The following CACNA1E variants were observed in gnomAD, a reference collection of about 807,000 sequenced individuals.
CACNA1E encodes the protein voltage-dependent R-type calcium channel subunit alpha-1E.
In CACNA1E, 40 loss-of-function variants were observed where a neutral mutation model predicts 259.2. The observed-to-expected ratio is 0.15, with a 90% CI of 0.12 to 0.20. The LOEUF (loss-of-function observed/expected upper bound fraction) is 0.20, where lower values mean the gene tolerates loss of function less well. CACNA1E is among the 10% of genes least tolerant of loss of function. The pLI is 1.00. For missense variants in CACNA1E, 1,874 were observed against 3,040.1 expected, an observed-to-expected ratio of 0.62 and a Z score of 9.02; for synonymous variants, 1,104 against 1,138.5, an observed-to-expected ratio of 0.97 and a Z score of 0.61.
At chr1:181,659,194 C>T (rs1647344832) in intron 7 of CACNA1E, among the ~76,000 whole-genome samples, 1 of 151,976 alleles carries the variant, frequency 6.6e-6, no homozygotes, top group Non-Finnish European at 1.5e-5. Context: ...GGAGAGAGTC[C>T]ATGTGAGAGG....
At chr1:181,386,044 G>A (rs1655823739) in intron 1 of CACNA1E, among the ~76,000 whole-genome samples, 1 of 152,112 alleles carries the variant, frequency 6.6e-6, no homozygotes. Flanking sequence ...AACAACACAA[G>A]GAATTCTAAC....
At chr1:181,438,571 A>C (rs1385909987) in intron 2 of CACNA1E, among the ~76,000 whole-genome samples, 2 of 152,218 alleles carry the variant, frequency 1.3e-5, no homozygotes, top group Non-Finnish European at 2.9e-5. Context: ...AAAGACTGTC[A>C]TTCAGATGGT....
chr1:181,637,598 C>T (rs1657360405), intron 6 of CACNA1E, among the ~76,000 whole-genome samples: 1 of 152,118 alleles, frequency 6.6e-6, no homozygotes, highest in African/African-American at 2.4e-5. Flanking sequence ...ATTCAACAAA[C>T]ACTTGCTGAG....
intron 2 of CACNA1E, among the ~76,000 whole-genome samples, chr1:181,441,869 C>A (rs1337960657): frequency 1.3e-5 from 2 of 152,064 alleles, no homozygotes; most frequent in East Asian, 1.9e-4. Flanking sequence ...AGTAAGAAAG[C>A]CTCTGTTTTG....
chr1:181,513,189 T>C (rs1193820612), intron 3 of CACNA1E, among the ~76,000 whole-genome samples: 2 of 152,214 alleles, frequency 1.3e-5, no homozygotes, highest in Non-Finnish European at 2.9e-5. Flanking sequence ...TAAAGAAATA[T>C]GGAAAATACA....
chr1:181,533,554 A>G (rs111898552), intron 3 of CACNA1E, among the ~76,000 whole-genome samples: 1,544 of 151,698 alleles, frequency 0.01, 10 homozygotes, highest in Non-Finnish European at 0.015. Flanking sequence ...CTTCCCCTCC[A>G]TTTGTCTTTA....
At chr1:181,436,583 T>C (rs1660101391) in intron 2 of CACNA1E, among the ~76,000 whole-genome samples, 1 of 152,230 alleles carries the variant, frequency 6.6e-6, no homozygotes, top group Non-Finnish European at 1.5e-5. Context: ...TGGAGCATAT[T>C]ATGCTAAGTG....
chr1:181,375,118 A>G (rs1655008814), intron 1 of CACNA1E, among the ~76,000 whole-genome samples: 1 of 152,160 alleles, frequency 6.6e-6, no homozygotes, highest in Non-Finnish European at 1.5e-5. Context: ...CAGCTAGAAT[A>G]AGAAGAGAAC....
At chr1:181,383,961 C>G (rs1163252268) in intron 1 of CACNA1E, among the ~76,000 whole-genome samples, 2 of 152,264 alleles carry the variant, frequency 1.3e-5, no homozygotes, top group Non-Finnish European at 2.9e-5. Flanking sequence ...GGTGATGCAA[C>G]TTTCCATGCC....
At chr1:181,737,748 C>T (rs1656186366) in intron 23 of CACNA1E, 94 bp downstream of exon 23, 1 of 1,499,230 alleles carries the variant, frequency 6.7e-7, no homozygotes, top group African/African-American at 1.4e-5. Flanking sequence ...AGCAAGGTTT[C>T]TGGGGAATGA....
At chr1:181,432,343 A>G (rs1422368461) in intron 2 of CACNA1E, among the ~76,000 whole-genome samples, 3 of 152,164 alleles carry the variant, frequency 2.0e-5, no homozygotes, top group Non-Finnish European at 4.4e-5. Flanking sequence ...TCAAGCACCC[A>G]GGTCCACTGG....
chr1:181,768,926 A>T (rs1304522896), intron 35 of CACNA1E, among the ~76,000 whole-genome samples: 1 of 152,254 alleles, frequency 6.6e-6, no homozygotes, highest in Non-Finnish European at 1.5e-5. Context: ...AATAGCAACA[A>T]GGTATGTCTA....
intron 3 of CACNA1E, among the ~76,000 whole-genome samples, chr1:181,541,276 C>T (rs1668562487): frequency 6.6e-6 from 1 of 152,158 alleles, no homozygotes; most frequent in South Asian, 2.1e-4. Flanking sequence ...AAATGTTGTA[C>T]TTTCCATTTA....
At chr1:181,696,234 C>T (rs1461286732) in intron 7 of CACNA1E, among the ~76,000 whole-genome samples, 3 of 149,812 alleles carry the variant, frequency 2.0e-5, no homozygotes, top group African/African-American at 7.4e-5. Context: ...TTTTTTTGAC[C>T]TTGGAGATTT....
intron 7 of CACNA1E, among the ~76,000 whole-genome samples, chr1:181,670,485 C>G (rs1558248034): frequency 6.6e-6 from 1 of 152,166 alleles, no homozygotes; most frequent in Admixed American, 6.5e-5. Context: ...GAAGCTAACT[C>G]TACTATGCAA....
At chr1:181,588,531 T>A (rs181343585) in intron 6 of CACNA1E, among the ~76,000 whole-genome samples, 3 of 152,146 alleles carry the variant, frequency 2.0e-5, no homozygotes, top group African/African-American at 7.2e-5. Flanking sequence ...TTCCTACTCA[T>A]TGCATTTCTG....
At chr1:181,790,290 C>CTTTTT (rs33973972) in intron 43 of CACNA1E, among the ~76,000 whole-genome samples, 155 bp from the exon 44 acceptor site, 1 of 115,328 alleles carries the variant, frequency 8.7e-6, no homozygotes, top group Non-Finnish European at 1.8e-5. Context: ...TCTTCTAGTG[C>CTTTTT]TTTTTTTTTT....
At chr1:181,346,738 C>G (rs1652622591) in intron 1 of CACNA1E, among the ~76,000 whole-genome samples, 1 of 152,158 alleles carries the variant, frequency 6.6e-6, no homozygotes, top group South Asian at 2.1e-4. Flanking sequence ...AGGGCTGGAT[C>G]TTTAATGACG....
At chr1:181,386,470 T>C (rs1356007932) in intron 1 of CACNA1E, among the ~76,000 whole-genome samples, 1 of 152,114 alleles carries the variant, frequency 6.6e-6, no homozygotes, top group Non-Finnish European at 1.5e-5. Flanking sequence ...AGTAGGCAGT[T>C]TGAGGTTTAT....
Sources: gnomAD v4.1 joint callset for allele counts (sites outside exome capture counted in the v4.1 genomes callset) on GRCh38, gnomAD v4.1.1 for gene constraint, MANE v1.5 for transcripts, NCBI Gene and HGNC (gene_info 2026-07-23, HGNC 2026-07-21) for gene names.